The following TLL1 variants were observed in gnomAD, a reference collection of about 807,000 sequenced individuals.
The protein encoded by TLL1 is tolloid like 1.
TLL1 carries 49 observed loss-of-function variants against 128.2 expected under a neutral mutation model. The ratio of observed to expected loss-of-function variants is 0.38; its 90% CI spans 0.30 to 0.48. The LOEUF (loss-of-function observed/expected upper bound fraction) is 0.48. Ranked by LOEUF, TLL1 falls within the 20% of genes least tolerant of loss-of-function variation. The probability of loss-of-function intolerance (pLI) is 0.96; values close to 1 mark genes in which losing one functional copy is unlikely to be tolerated. For missense variants in TLL1, 1,123 were observed against 1,242.0 expected, an observed-to-expected ratio of 0.90 and a Z score of 1.44; for synonymous variants, 454 against 418.8, an observed-to-expected ratio of 1.08 and a Z score of -1.03.
At chr4:166,039,213 A>T (rs568125570) in intron 9 of TLL1, 126 bp from the exon 10 acceptor site, 23 of 692,480 alleles carry the variant, frequency 3.3e-5, no homozygotes, top group Admixed American at 3.0e-4. Context: ...TAATTATAGT[A>T]TAGAAAAACA....
intron 1 of TLL1, among the ~76,000 whole-genome samples, chr4:165,971,563 G>A (rs1038810149): frequency 1.3e-5 from 2 of 152,098 alleles, no homozygotes; most frequent in South Asian, 2.1e-4. Context: ...TCTTGCCATG[G>A]CTTCTGGTAG....
At chr4:165,936,455 G>T (rs932069372) in intron 1 of TLL1, among the ~76,000 whole-genome samples, 2 of 151,022 alleles carry the variant, frequency 1.3e-5, no homozygotes, top group Non-Finnish European at 3.0e-5. Context: ...CAGGTGATCC[G>T]CCTGCCTCGC....
intron 15 of TLL1, among the ~76,000 whole-genome samples, chr4:166,064,061 A>G (rs533340620): frequency 3.5e-4 from 53 of 152,178 alleles, no homozygotes; most frequent in African/African-American, 1.0e-3. Context: ...TTGGAACTCA[A>G]TGGGCCATTT....
intron 6 of TLL1, 130 bp downstream of exon 6, chr4:166,003,699 T>A (rs919337311): frequency 2.1e-6 from 2 of 947,248 alleles, no homozygotes; most frequent in African/African-American, 3.3e-5. Flanking sequence ...ACATTTTGCT[T>A]GATTAAAAAT....
intron 7 of TLL1, among the ~76,000 whole-genome samples, chr4:166,008,988 T>A (rs1040507164): frequency 1.3e-5 from 2 of 151,500 alleles, no homozygotes; most frequent in African/African-American, 4.8e-5. Flanking sequence ...AATTACCCAT[T>A]TTTTCCAAAC....
intron 9 of TLL1, 152 bp from the exon 10 acceptor site, chr4:166,039,187 A>G: frequency 1.6e-6 from 1 of 625,730 alleles, no homozygotes; most frequent in Non-Finnish European, 2.8e-6. Flanking sequence ...TTTGGTTCAG[A>G]AAAAAACTAT....
At chr4:165,884,836 A>G (rs1354151711) in intron 1 of TLL1, among the ~76,000 whole-genome samples, 1 of 152,160 alleles carries the variant, frequency 6.6e-6, no homozygotes, top group Non-Finnish European at 1.5e-5. Context: ...ACTCTGTCTC[A>G]AATAATAATG....
At chr4:166,067,687 G>A (rs1238161019) in intron 16 of TLL1, among the ~76,000 whole-genome samples, 1 of 151,622 alleles carries the variant, frequency 6.6e-6, no homozygotes, top group African/African-American at 2.4e-5. Flanking sequence ...ATATATATAT[G>A]AATCAATTAA....
In TLL1 at chr4:165,923,732, G is replaced by C. The variant is rs115647464; in HGVS notation, c.169+49659G>C. ...TTACAGGCGTGAGCCACTGCACCTG[G>C]CTGGTATACCTGGTTTTATTGCACT... On this transcript the variant is annotated intron_variant, in intron 1 of 20. Coordinates refer to ENST00000061240, the MANE Select transcript of TLL1 (RefSeq NM_012464.5). 4.9e-3 allele frequency among the ~76,000 whole-genome samples: 748 copies of C among 152,198 alleles called. 8 individuals are homozygous for C. Among genetic ancestry groups the C allele is most frequent in the African/African-American group, 0.016 (653 of 41,522 alleles).
intron 9 of TLL1, chr4:166,030,676 T>A: frequency 9.7e-7 from 1 of 1,034,560 alleles, no homozygotes; most frequent in Admixed American, 4.3e-5. Context: ...ATTGTGTTAA[T>A]AGAAACCATT....
At chr4:166,100,696 C>G in intron 20 of TLL1, 46 bp from the exon 21 acceptor site, 1 of 1,610,110 alleles carries the variant, frequency 6.2e-7, no homozygotes, top group Non-Finnish European at 8.5e-7. Context: ...AAAAGTGATT[C>G]GTTTTATTGC....
intron 1 of TLL1, among the ~76,000 whole-genome samples, chr4:165,908,128 C>T (rs1312089966): frequency 6.6e-6 from 1 of 152,140 alleles, no homozygotes; most frequent in East Asian, 1.9e-4. Flanking sequence ...TTTGATTTTA[C>T]AGCAACTTGA....
intron 1 of TLL1, among the ~76,000 whole-genome samples, chr4:165,947,637 AT>A (rs1168148336): frequency 6.6e-6 from 1 of 152,130 alleles, no homozygotes; most frequent in Non-Finnish European, 1.5e-5. Flanking sequence ...AGATTAAAAG[AT>A]CAGAGTATTT....
chr4:166,039,503 A>G (rs1317938105), intron 10 of TLL1, 62 bp downstream of exon 10: 16 of 1,188,614 alleles, frequency 1.3e-5, no homozygotes, highest in Non-Finnish European at 2.0e-5. Flanking sequence ...AAAAAAACCA[A>G]CCGATTCTCT....
chr4:165,929,049 G>A (rs79894813), intron 1 of TLL1, among the ~76,000 whole-genome samples: 4,075 of 152,204 alleles, frequency 0.027, 173 homozygotes, highest in African/African-American at 0.09. Context: ...TCTACACCAC[G>A]TGGAGAAGTT....
intron 15 of TLL1, among the ~76,000 whole-genome samples, chr4:166,063,127 C>T (rs1228927428): frequency 6.6e-6 from 1 of 151,792 alleles, no homozygotes; most frequent in Non-Finnish European, 1.5e-5. Flanking sequence ...CTACAAAGAA[C>T]TTAAACAAAT....
chr4:165,990,810 A>G (rs778054153), intron 2 of TLL1, among the ~76,000 whole-genome samples: 1 of 152,054 alleles, frequency 6.6e-6, no homozygotes, highest in Non-Finnish European at 1.5e-5. Flanking sequence ...CTAAAATAAT[A>G]ACACCATGTA....
At chr4:166,009,782 T>C (rs1737601555) in intron 7 of TLL1, among the ~76,000 whole-genome samples, 1 of 151,462 alleles carries the variant, frequency 6.6e-6, no homozygotes. Context: ...CTCATTCTGC[T>C]ACTCCCTCAA....
At chr4:165,916,563 G>A (rs1025176852) in intron 1 of TLL1, among the ~76,000 whole-genome samples, 1 of 152,154 alleles carries the variant, frequency 6.6e-6, no homozygotes, top group Admixed American at 6.5e-5. Flanking sequence ...TAGTAACATA[G>A]TAATGGTAGA....
Sources: gnomAD v4.1 joint callset for allele counts (sites outside exome capture counted in the v4.1 genomes callset) on GRCh38, gnomAD v4.1.1 for gene constraint, MANE v1.5 for transcripts, NCBI Gene and HGNC (gene_info 2026-07-23, HGNC 2026-07-21) for gene names.